KDM4C: variants seen among roughly 807,000 people sequenced by gnomAD.
KDM4C encodes lysine-specific demethylase 4C.
In KDM4C, 81 loss-of-function variants were observed where a neutral mutation model predicts 129.3. The ratio of observed to expected loss-of-function variants is 0.63; its 90% CI spans 0.52 to 0.75. The LOEUF is 0.75. Among genes scored for constraint, KDM4C ranks in the 30% least tolerant of loss-of-function variants. KDM4C has a pLI of 0.00. For synonymous variants in KDM4C, 573 were observed against 456.1 expected (o/e 1.26, Z -3.26); for missense variants, 1,457 against 1,304.0 (o/e 1.12, Z -1.81).
intron 8 of KDM4C, among the ~76,000 whole-genome samples, chr9:6,948,666 AT>A (rs1443931488): frequency 6.6e-6 from 1 of 151,544 alleles, no homozygotes; most frequent in Non-Finnish European, 1.5e-5. Context: ...GGTACTTGAG[AT>A]TAGGGAGTGG....
intron 8 of KDM4C, among the ~76,000 whole-genome samples, chr9:6,949,584 A>G (rs1465651830): frequency 6.6e-6 from 1 of 152,224 alleles, no homozygotes; most frequent in Non-Finnish European, 1.5e-5. Flanking sequence ...TCCATCTGCA[A>G]TCCCGGCACC....
intron 8 of KDM4C, among the ~76,000 whole-genome samples, chr9:6,943,489 G>T (rs1197348409): frequency 2.0e-5 from 3 of 152,012 alleles, no homozygotes; most frequent in Non-Finnish European, 4.4e-5. Context: ...GGGGAGGATC[G>T]CCTGAGCCCA....
chr9:6,740,088 C>T (rs898191935), intron 1 of KDM4C, among the ~76,000 whole-genome samples: 57 of 151,928 alleles, frequency 3.8e-4, no homozygotes, highest in African/African-American at 1.2e-3. Flanking sequence ...CGGGATTTCA[C>T]CATTTTGGCC....
rs1359622579 is a variant in KDM4C, at chr9:6,979,668, A to G, written c.922-1257A>G. ...TTTGGGGGAGACGAAAGTAACAGCTATAACGATGGATTATTGTTAGGAGAG... is the reference window on the plus strand; with the variant it reads ...TTTGGGGGAGACGAAAGTAACAGCTGTAACGATGGATTATTGTTAGGAGAG... On this transcript the variant is annotated intron_variant, in intron 8 of 21. Coordinates refer to ENST00000381309, the MANE Select transcript of KDM4C (RefSeq NM_015061.6). 2.6e-5 allele frequency among the ~76,000 whole-genome samples: 4 copies of G among 152,206 alleles called. No individual in the cohort carries two copies. The East Asian group carries it at 7.7e-4, about 29-fold the overall frequency.
rs781763130 is a variant in KDM4C, at chr9:6,984,199, T to G, written c.1149T>G (p.Pro383=). The G allele has an allele frequency of 6.2e-7, 1 of 1,613,708 alleles. No homozygotes were observed. ...FQCARSTSKR[P]KADEEEEVSD... ...GTGCTAGGTCTACCTCTAAAAGGCC[T>G]AAGGCTGATGAGGAAGAGGAAGTGT... Residue 383 remains proline (P), a synonymous_variant, in exon 10 of 22, where the codon CCT becomes CCG. Transcript: ENST00000381309.
intron 2 of KDM4C, among the ~76,000 whole-genome samples, chr9:6,801,195 C>G (rs1268867209): frequency 6.9e-6 from 1 of 145,900 alleles, no homozygotes; most frequent in African/African-American, 2.5e-5. Context: ...CTTTAACACT[C>G]TTAGAATATA....
chr9:7,040,600 T>C (rs73401842), intron 15 of KDM4C, among the ~76,000 whole-genome samples: 7,839 of 152,046 alleles, frequency 0.052, 224 homozygotes, highest in South Asian at 0.096. Flanking sequence ...CTGTTAGATT[T>C]TTATCACACT....
chr9:6,949,527 C>G (rs1348145350), intron 8 of KDM4C, among the ~76,000 whole-genome samples: 3 of 152,204 alleles, frequency 2.0e-5, no homozygotes, highest in Non-Finnish European at 4.4e-5. Context: ...CAAGATCACG[C>G]CACTGCCCTC....
intron 17 of KDM4C, among the ~76,000 whole-genome samples, chr9:7,062,997 C>G (rs111785206): frequency 2.6e-5 from 4 of 152,068 alleles, no homozygotes; most frequent in African/African-American, 9.6e-5. Flanking sequence ...CTTTATGAAA[C>G]TCTTAATTAA....
intron 4 of KDM4C, chr9:6,835,336 A>C (rs1835687297): frequency 1.0e-6 from 1 of 984,790 alleles, no homozygotes; most frequent in African/African-American, 1.6e-5. Context: ...CCTTTACGCC[A>C]ACACATTGCT....
intron 2 of KDM4C, among the ~76,000 whole-genome samples, chr9:6,801,343 C>T (rs1009528253): frequency 3.4e-5 from 5 of 147,210 alleles, no homozygotes; most frequent in African/African-American, 1.3e-4. Context: ...AGCTCTGCCT[C>T]CTGCCTCAGC....
intron 1 of KDM4C, among the ~76,000 whole-genome samples, chr9:6,732,344 G>T (rs1204352831): frequency 8.7e-6 from 1 of 115,352 alleles, no homozygotes; most frequent in Non-Finnish European, 1.6e-5. Flanking sequence ...CAGCCTGGGT[G>T]ACAGAGCAAG....
chr9:6,757,952 C>T, upstream of KDM4C: 1 of 985,326 alleles, frequency 1.0e-6, no homozygotes, highest in Non-Finnish European at 1.2e-6. Context: ...CACGTGACGG[C>T]GCGCGCGCCC....
At chr9:6,910,596 G>A (rs1024864915) in intron 8 of KDM4C, among the ~76,000 whole-genome samples, 1 of 152,214 alleles carries the variant, frequency 6.6e-6, no homozygotes, top group Non-Finnish European at 1.5e-5. Flanking sequence ...GATTGGTGCA[G>A]AAGACAAATG....
chr9:6,812,916 C>T (rs147411745), intron 3 of KDM4C, among the ~76,000 whole-genome samples: 90 of 152,274 alleles, frequency 5.9e-4, no homozygotes, highest in Non-Finnish European at 7.8e-4. Flanking sequence ...TGGCTCTCGC[C>T]TGTAAATCCC....
At position 7,127,989 on chromosome 9, in the gene KDM4C, G is replaced by A. The variant is rs41298188; in HGVS notation, c.2611-77G>A. 2,156 of 1,186,336 alleles carry A rather than the reference G, an allele frequency of 1.8e-3. 4 individuals carry two copies. Among genetic ancestry groups the A allele is most frequent in the Non-Finnish European group, 2.1e-3 (1,947 of 908,276 alleles). 73.5% of individuals were successfully genotyped at this position (1,186,336 alleles called of 1,614,324 possible). A position where few individuals can be genotyped will look rare whatever the true frequency, so the allele number is the denominator to read the frequency against. On this transcript the variant is annotated intron_variant, in intron 18 of 21. Coordinates refer to ENST00000381309, the MANE Select transcript of KDM4C (RefSeq NM_015061.6). The stretch of plus-strand genomic sequence containing the variant: ...CCAAATAAATGATTGTTTTTCAAAT[G>A]AATATTTTTTATTTTACGTCCTTTC...
At chr9:6,764,771 C>G (rs1220677828) in intron 1 of KDM4C, among the ~76,000 whole-genome samples, 1 of 152,160 alleles carries the variant, frequency 6.6e-6, no homozygotes, top group East Asian at 1.9e-4. Context: ...GTCATCAAAG[C>G]CTTTGTGCTA....
chr9:6,916,658 A>G (rs1342075116), intron 8 of KDM4C, among the ~76,000 whole-genome samples: 1 of 152,254 alleles, frequency 6.6e-6, no homozygotes, highest in African/African-American at 2.4e-5. Context: ...AAGATAATTT[A>G]TATGTGTGAA....
chr9:6,790,682 A>AG (rs1554685476), intron 1 of KDM4C, among the ~76,000 whole-genome samples: 4,309 of 113,060 alleles, frequency 0.038, 310 homozygotes, highest in African/African-American at 0.089. Flanking sequence ...AAAAAAAAAA[A>AG]GAGGAAAACT....
Sources: allele counts gnomAD v4.1 joint callset (sites outside exome capture counted in the v4.1 genomes callset), GRCh38; gene constraint gnomAD v4.1.1; transcripts MANE v1.5; gene names NCBI Gene and HGNC (gene_info 2026-07-23, HGNC 2026-07-21).